ZNF273: variants seen among roughly 807,000 people sequenced by gnomAD.
ZNF273 encodes the protein zinc finger protein 273, also known as zinc finger protein 9.
ZNF273 carries 11 observed loss-of-function variants against 14.9 expected under a neutral mutation model. That is an observed-to-expected ratio of 0.74 (90% CI 0.46 to 1.22). ZNF273 has a LOEUF of 1.22. Ranked by LOEUF, ZNF273 falls within the 50% of genes most tolerant of loss-of-function variation. The pLI is 0.00. For synonymous variants in ZNF273, 199 were observed against 223.9 expected (o/e 0.89, Z 0.99); for missense variants, 577 against 660.6 (o/e 0.87, Z 1.39).
Position 64,927,663 on chromosome 7 carries a change from C to T in ZNF273, c.335C>T (p.Ser112Phe), listed in dbSNP as rs756672309. The T allele has an allele frequency of 1.9e-6, 3 of 1,564,552 alleles. No individual in the cohort carries two copies. Among genetic ancestry groups the T allele is most frequent in the Non-Finnish European group, 2.6e-6 (3 of 1,160,834 alleles). The stretch of plus-strand genomic sequence containing the variant: ...CTTTTATTTCTTTCAGTTGTGTGTT[C>T]TCATTTTGCCCAAGACCTTTGGCCA... ...AMVAKPPVVC[S>F]HFAQDLWPKQ... Residue 112 changes from serine to phenylalanine, a missense_variant, in exon 4 of 4, where the codon TCT (serine) becomes TTT (phenylalanine). Around this residue, in one of 3 missense-constraint regions of ZNF273, gnomAD observed 162 missense variants for 203.5 expected, o/e 0.80. Coordinates refer to ENST00000476120, the MANE Select transcript of ZNF273 (RefSeq NM_021148.3).
rs906732969 is a variant in ZNF273, at chr7:64,929,263, G to A, written c.*225G>A. The A allele has an allele frequency of 1.2e-4, 40 of 344,858 alleles. No homozygotes were observed. Among genetic ancestry groups the A allele is most frequent in the African/African-American group, 8.5e-4 (40 of 47,282 alleles). The allele number at this position is 344,858 out of a possible 1,614,324, so 21.4% of individuals were successfully genotyped here. A position where few individuals can be genotyped will look rare whatever the true frequency, so the allele number is the denominator to read the frequency against. On this transcript the variant is annotated 3_prime_UTR_variant, in exon 4 of 4. Coordinates refer to ENST00000476120, the MANE Select transcript of ZNF273 (RefSeq NM_021148.3). ...TAAAAGCATTATCAATGAAATTACTGTCAAAAGATCTTTCAGACAATATAA... is the reference window on the plus strand; with the variant it reads ...TAAAAGCATTATCAATGAAATTACTATCAAAAGATCTTTCAGACAATATAA...
At chr7:64,899,297 G>A (rs1236978644), upstream of ZNF273, among the ~76,000 whole-genome samples, 1 of 152,224 alleles carries the variant, frequency 6.6e-6, no homozygotes, top group East Asian at 1.9e-4. Flanking sequence ...CATTTAAAAT[G>A]TTGTCTTTGT....
chr7:64,912,148 G>A (rs1583990423), intron 1 of ZNF273, among the ~76,000 whole-genome samples: 1 of 152,212 alleles, frequency 6.6e-6, no homozygotes, highest in East Asian at 1.9e-4. Flanking sequence ...TAATAGAGTC[G>A]ACGTGGTTTC....
upstream of ZNF273, among the ~76,000 whole-genome samples, chr7:64,900,675 C>T (rs1185269152): frequency 2.0e-5 from 3 of 152,130 alleles, no homozygotes; most frequent in African/African-American, 4.8e-5. Context: ...AGGGTGGGGG[C>T]GGCCAGATTT....
At chr7:64,913,788 T>C (rs1279017774) in intron 1 of ZNF273, among the ~76,000 whole-genome samples, 2 of 152,166 alleles carry the variant, frequency 1.3e-5, no homozygotes, top group African/African-American at 4.8e-5. Context: ...TAACATTACA[T>C]AGAGTTGGGT....
Position 64,928,622 on chromosome 7 carries a change from T to C in ZNF273, c.1294T>C (p.Cys432Arg), listed in dbSNP as rs752101702. The C allele has an allele frequency of 6.8e-6, 11 of 1,613,328 alleles. No individual in the cohort carries two copies. The highest frequency in any genetic ancestry group is 8.5e-6 in the Non-Finnish European group (10 of 1,179,688). ...RIYTKEKPYKCEECGKAFSVF... is the reference protein window; with the variant it reads ...RIYTKEKPYKREECGKAFSVF... ...TTATACTAAAGAGAAACCATACAAA[T>C]GTGAAGAATGTGGAAAAGCCTTTAG... Residue 432 changes from cysteine to arginine, a missense_variant, in exon 4 of 4, where the codon TGT becomes CGT. Physicochemically the swap from Cys to Arg is radical, Grantham distance 180. Coordinates refer to ENST00000476120, the MANE Select transcript of ZNF273 (RefSeq NM_021148.3).
At chr7:64,905,563 TC>T (rs1554384375) in intron 1 of ZNF273, among the ~76,000 whole-genome samples, 1 of 52,126 alleles carries the variant, frequency 1.9e-5, no homozygotes, top group Non-Finnish European at 4.5e-5. Context: ...AATAATTTCT[TC>T]CCCCTGAATT....
upstream of ZNF273, among the ~76,000 whole-genome samples, chr7:64,899,537 C>G: frequency 6.6e-6 from 1 of 151,952 alleles, no homozygotes; most frequent in Non-Finnish European, 1.5e-5. Flanking sequence ...TACCTGTAAT[C>G]CCAGCTATTT....
intron 1 of ZNF273, among the ~76,000 whole-genome samples, chr7:64,911,510 G>T (rs752098480): frequency 6.6e-6 from 1 of 152,114 alleles, no homozygotes; most frequent in Non-Finnish European, 1.5e-5. Context: ...TGATCCACCC[G>T]CCTTAGCCTC....
intron 3 of ZNF273, among the ~76,000 whole-genome samples, chr7:64,925,894 C>G (rs1206781183): frequency 1.3e-5 from 2 of 149,792 alleles, no homozygotes; most frequent in Admixed American, 6.7e-5. Context: ...GTGTACTGCA[C>G]CATTATGATA....
chr7:64,923,870 T>C (rs1022633167), intron 3 of ZNF273: 6 of 152,344 alleles, frequency 3.9e-5, no homozygotes, highest in African/African-American at 1.2e-4. Flanking sequence ...ATTCTGTAGC[T>C]TTGTAATATG....
downstream of ZNF273, chr7:64,893,279 T>C (rs1215351111): frequency 6.6e-6 from 1 of 152,096 alleles, no homozygotes; most frequent in Non-Finnish European, 1.5e-5. Flanking sequence ...TTTCCAAAAG[T>C]GTATATTTTT....
intron 1 of ZNF273, among the ~76,000 whole-genome samples, chr7:64,887,785 A>G (rs988088241): frequency 4.7e-5 from 7 of 147,406 alleles, no homozygotes; most frequent in Non-Finnish European, 1.0e-4. Context: ...AGCATGAGCC[A>G]CCGTGCCCTG....
downstream of ZNF273, chr7:64,889,677 G>GC (rs1791849865): frequency 2.0e-6 from 2 of 985,348 alleles, no homozygotes; most frequent in Non-Finnish European, 1.2e-6. This position sits in a 1 kb window ranked among gnomAD's most constrained non-coding sequence, Gnocchi z 4.2. Flanking sequence ...TCGCCCTGGG[G>GC]CCCCTCCGCC....
chr7:64,918,155 G>C (rs1794144793), intron 2 of ZNF273, 42 bp from the exon 3 acceptor site: 1 of 1,513,878 alleles, frequency 6.6e-7, no homozygotes, highest in African/African-American at 1.4e-5. Flanking sequence ...GATAATTGGA[G>C]AATATGAGCA....
In ZNF273 at chr7:64,903,379, C is replaced by G. The variant is rs368383312; in HGVS notation, c.62C>G (p.Ser21Cys). 6.2e-7 allele frequency: 1 copy of G among 1,613,424 alleles called. No homozygotes were observed. Among genetic ancestry groups the G allele is most frequent in the East Asian group, 2.2e-5 (1 of 44,868 alleles). ...VAPLPAGIGR[S>C]TAKTPGLPGS... The stretch of plus-strand genomic sequence containing the variant: ...CCGTTACCTGCAGGTATTGGGAGAT[C>G]CACAGCTAAGACGCCAGGACTCCCT... Residue 21 changes from serine (S) to cysteine (C), a missense_variant, in exon 1 of 4, where the codon TCC becomes TGC. Coordinates refer to ENST00000476120, the MANE Select transcript of ZNF273 (RefSeq NM_021148.3).
intron 1 of ZNF273, chr7:64,878,231 G>C (rs979333810): frequency 6.6e-6 from 1 of 151,432 alleles, no homozygotes; most frequent in Non-Finnish European, 1.5e-5. Context: ...GGGACTGGCT[G>C]AGACACCAGG....
intron 2 of ZNF273, 44 bp from the exon 3 acceptor site, chr7:64,918,153 G>C (rs1434968946): frequency 6.6e-7 from 1 of 1,510,322 alleles, no homozygotes; most frequent in East Asian, 2.8e-5. Flanking sequence ...TTGATAATTG[G>C]AGAATATGAG....
intron 3 of ZNF273, among the ~76,000 whole-genome samples, chr7:64,921,485 T>C (rs1298044068): frequency 6.6e-6 from 1 of 152,086 alleles, no homozygotes; most frequent in African/African-American, 2.4e-5. Context: ...TTGCTATGTA[T>C]ATATTGGAGC....
Sources: gnomAD v4.1 joint callset for allele counts (sites outside exome capture counted in the v4.1 genomes callset) on GRCh38, gnomAD v4.1.1 for gene constraint, gnomAD v4.1.1 regional missense constraint, Gnocchi (gnomAD v3.1) non-coding constraint, MANE v1.5 for transcripts, NCBI Gene and HGNC (gene_info 2026-07-23, HGNC 2026-07-21) for gene names.